Variants in CREB5 observed in about 807,000 individuals in gnomAD.
CREB5 encodes the protein cyclic AMP-responsive element-binding protein 5.
Under a neutral mutation model 57.1 loss-of-function variants are expected in CREB5, and 19 were observed. That is an observed-to-expected ratio of 0.33 (90% CI 0.23 to 0.49). The LOEUF (loss-of-function observed/expected upper bound fraction) is 0.49. Ranked by LOEUF, CREB5 falls within the 20% of genes least tolerant of loss-of-function variation. The probability of loss-of-function intolerance (pLI) is 0.99; values close to 1 mark genes in which losing one functional copy is unlikely to be tolerated. For synonymous variants in CREB5, 238 were observed against 238.3 expected, an observed-to-expected ratio of 1.00 and a Z score of 0.01; for missense variants, 579 against 671.6, an observed-to-expected ratio of 0.86 and a Z score of 1.52.
intron 1 of CREB5, among the ~76,000 whole-genome samples, chr7:28,421,145 C>A (rs1301840551): frequency 2.0e-5 from 3 of 152,254 alleles, no homozygotes; most frequent in African/African-American, 7.2e-5. Flanking sequence ...CCTTTCCCAA[C>A]TTTCTCCCTT....
intron 5 of CREB5, among the ~76,000 whole-genome samples, chr7:28,696,412 C>G (rs1168961504): frequency 1.3e-5 from 2 of 152,180 alleles, no homozygotes; most frequent in Non-Finnish European, 2.9e-5. Context: ...TCCTCCTCCT[C>G]TTTTTCTTCA....
At chr7:28,675,002 C>A (rs578118896) in intron 5 of CREB5, among the ~76,000 whole-genome samples, 61 of 152,274 alleles carry the variant, frequency 4.0e-4, no homozygotes, top group African/African-American at 1.4e-3. Flanking sequence ...CACCAATTTC[C>A]TTCCTGCCTT....
At chr7:28,658,904 C>T (rs141645845) in intron 5 of CREB5, among the ~76,000 whole-genome samples, 58 of 136,770 alleles carry the variant, frequency 4.2e-4, no homozygotes, top group African/African-American at 1.6e-3. Flanking sequence ...TCTATTGACT[C>T]GGTCTCTAAT....
intron 1 of CREB5, among the ~76,000 whole-genome samples, chr7:28,435,262 G>T (rs1039351872): frequency 1.3e-5 from 2 of 152,068 alleles, no homozygotes; most frequent in African/African-American, 4.8e-5. Context: ...CCTAGGAGGG[G>T]GGTGGATCGT....
intron 7 of CREB5, among the ~76,000 whole-genome samples, chr7:28,728,307 C>A (rs1016732119): frequency 7.9e-5 from 12 of 152,292 alleles, no homozygotes; most frequent in African/African-American, 1.4e-4. Context: ...CCCAGTGACA[C>A]AACACTTAGC....
chr7:28,589,693 A>T (rs1301043721), intron 5 of CREB5, among the ~76,000 whole-genome samples: 4 of 152,232 alleles, frequency 2.6e-5, no homozygotes, highest in South Asian at 2.1e-4. Flanking sequence ...TTTCCTTTCT[A>T]GAGTCTCTTA....
intron 1 of CREB5, among the ~76,000 whole-genome samples, chr7:28,327,744 G>A (rs1326321195): frequency 6.6e-6 from 1 of 151,994 alleles, no homozygotes; most frequent in African/African-American, 2.4e-5. Flanking sequence ...TGTAAATATA[G>A]GTTCTCAGAA....
chr7:28,686,497 A>G (rs966930720), intron 5 of CREB5, among the ~76,000 whole-genome samples: 1 of 150,688 alleles, frequency 6.6e-6, no homozygotes, highest in African/African-American at 2.4e-5. Context: ...AAAAAAAAGC[A>G]GAGCAAACCA....
At chr7:28,477,662 G>C (rs955412512) in intron 1 of CREB5, among the ~76,000 whole-genome samples, 4 of 152,192 alleles carry the variant, frequency 2.6e-5, no homozygotes, top group Non-Finnish European at 5.9e-5. Flanking sequence ...TCTCGTGGGT[G>C]GTGGGGTTCA....
intron 5 of CREB5, among the ~76,000 whole-genome samples, chr7:28,620,918 T>A (rs1206417008): frequency 6.6e-6 from 1 of 152,062 alleles, no homozygotes; most frequent in Non-Finnish European, 1.5e-5. Context: ...GCAAACCCAA[T>A]AAGAAGTCCC....
intron 1 of CREB5, among the ~76,000 whole-genome samples, chr7:28,474,879 C>T (rs1372395263): frequency 6.6e-6 from 1 of 152,128 alleles, no homozygotes; most frequent in Non-Finnish European, 1.5e-5. Flanking sequence ...CTAATCAAGG[C>T]TTTCTTTCAG....
At chr7:28,671,247 C>A (rs1800026701) in intron 5 of CREB5, among the ~76,000 whole-genome samples, 2 of 147,974 alleles carry the variant, frequency 1.4e-5, no homozygotes, top group South Asian at 2.1e-4. Flanking sequence ...CAGAGTGAGA[C>A]CCTGTCTCAA....
chr7:28,479,482 GAGAATCTTCAGATGGC>G (rs1263386946), intron 1 of CREB5, among the ~76,000 whole-genome samples: 1 of 152,222 alleles, frequency 6.6e-6, no homozygotes, highest in African/African-American at 2.4e-5. Flanking sequence ...CGAATGATGA[GAGAATCTTCAGATGGC>G]ATGAGATTTT....
At chr7:28,618,379 T>C (rs1175179344) in intron 5 of CREB5, among the ~76,000 whole-genome samples, 1 of 152,148 alleles carries the variant, frequency 6.6e-6, no homozygotes, top group Non-Finnish European at 1.5e-5. Flanking sequence ...CTTTCAGAAA[T>C]GACATGTTAT....
intron 4 of CREB5, among the ~76,000 whole-genome samples, chr7:28,546,504 C>T (rs1047287096): frequency 6.6e-6 from 1 of 152,182 alleles, no homozygotes; most frequent in Non-Finnish European, 1.5e-5. Flanking sequence ...CACCATTTTA[C>T]AATCCCAACA....
chr7:28,574,488 T>C lies in CREB5; in HGVS notation c.464+3951T>C, dbSNP rs117318613. Among the ~76,000 whole-genome samples the C allele has an allele frequency of 4.3e-4, 65 of 152,348 alleles. 1 individual carries two copies. The East Asian group carries it at 0.012, about 27-fold the overall frequency. ...GTTGAGTAGATGGCTATAATCTTAA[T>C]AGATCCCAGCTTTCTTAACTAAGTT... On this transcript the variant is annotated intron_variant, in intron 5 of 10. Transcript: ENST00000357727.
intron 7 of CREB5, among the ~76,000 whole-genome samples, chr7:28,780,349 G>A (rs192245680): frequency 6.6e-6 from 1 of 152,330 alleles, no homozygotes; most frequent in East Asian, 1.9e-4. Context: ...TTCCCACTCA[G>A]TGGAGGAAAT....
At chr7:28,466,811 C>T (rs767884905) in intron 1 of CREB5, among the ~76,000 whole-genome samples, 2 of 152,262 alleles carry the variant, frequency 1.3e-5, no homozygotes, top group South Asian at 2.1e-4. Context: ...GGCTATGATC[C>T]GGAAAATGTA....
At chr7:28,650,237 G>T (rs1357103252) in intron 5 of CREB5, among the ~76,000 whole-genome samples, 3 of 152,202 alleles carry the variant, frequency 2.0e-5, no homozygotes, top group African/African-American at 7.2e-5. Flanking sequence ...GCTGACTTGG[G>T]CATTTCACAT....
Sources: gnomAD v4.1 joint callset for allele counts (sites outside exome capture counted in the v4.1 genomes callset) on GRCh38, gnomAD v4.1.1 for gene constraint, MANE v1.5 for transcripts, NCBI Gene and HGNC (gene_info 2026-07-23, HGNC 2026-07-21) for gene names.